ZFHX3: variants seen among roughly 807,000 people sequenced by gnomAD.
ZFHX3 encodes the protein zinc finger homeobox 3, also known as zinc finger homeobox protein 3.
Under a neutral mutation model 279.1 loss-of-function variants are expected in ZFHX3, and 42 were observed. The ratio of observed to expected loss-of-function variants is 0.15; its 90% CI spans 0.12 to 0.19. The LOEUF (loss-of-function observed/expected upper bound fraction) is 0.19, where lower values mean the gene tolerates loss of function less well. Ranked by LOEUF, ZFHX3 falls within the 10% of genes least tolerant of loss-of-function variation. ZFHX3 has a pLI of 1.00. For synonymous variants in ZFHX3, 2,293 were observed against 1,957.8 expected (o/e 1.17, Z -4.52); for missense variants, 4,981 against 4,754.0 (o/e 1.05, Z -1.40).
intron 1 of ZFHX3, among the ~76,000 whole-genome samples, chr16:73,693,059 C>G (rs1459568822): frequency 6.6e-6 from 1 of 152,128 alleles, no homozygotes; most frequent in African/African-American, 2.4e-5. Flanking sequence ...CTATGACTCT[C>G]TAGGGGACAC....
chr16:73,769,781 C>T (rs1319155544), intron 1 of ZFHX3, among the ~76,000 whole-genome samples: 1 of 152,170 alleles, frequency 6.6e-6, no homozygotes, highest in African/African-American at 2.4e-5. Flanking sequence ...GGGTTCAGGA[C>T]ATGGAAGAAT....
chr16:73,658,742 G>A (rs183354446), intron 2 of ZFHX3, among the ~76,000 whole-genome samples: 1 of 152,142 alleles, frequency 6.6e-6, no homozygotes, highest in African/African-American at 2.4e-5. Context: ...TAAAACAAAT[G>A]GATAATTTGA....
At chr16:73,016,872 T>G (rs1161446206) in intron 1 of ZFHX3, among the ~76,000 whole-genome samples, 1 of 151,662 alleles carries the variant, frequency 6.6e-6, no homozygotes, top group Non-Finnish European at 1.5e-5. Flanking sequence ...CAAGTTCACG[T>G]GTATATCCCA....
In ZFHX3 at chr16:73,030,558, G is replaced by A. The variant is rs541221352; in HGVS notation, c.-50+17194C>T. ...GGGTTATATTGGCAAAGTGTCTACA[G>A]CTCTATTGACTCACGCAATGCCTCT... is the stretch of plus-strand genomic sequence containing the variant. On this transcript the variant is annotated intron_variant, in intron 1 of 9. Coordinates refer to ENST00000268489, the MANE Select transcript of ZFHX3 (RefSeq NM_006885.4). Among the ~76,000 whole-genome samples the A allele has an allele frequency of 4.9e-4, 74 of 152,154 alleles. 1 individual carries two copies. The South Asian group carries it at 5.4e-3, about 11-fold the overall frequency.
chr16:73,430,340 C>G (rs2017889167), intron 3 of ZFHX3, among the ~76,000 whole-genome samples: 1 of 152,138 alleles, frequency 6.6e-6, no homozygotes. Context: ...CATACTTAAA[C>G]TAAAAATGAT....
At chr16:73,690,685 T>C (rs926037333) in intron 1 of ZFHX3, among the ~76,000 whole-genome samples, 6 of 152,208 alleles carry the variant, frequency 3.9e-5, no homozygotes, top group Non-Finnish European at 8.8e-5. Flanking sequence ...GAAAATAAAT[T>C]GTGCATTGTG....
chr16:73,531,136 A>G (rs778863144), intron 2 of ZFHX3, among the ~76,000 whole-genome samples: 1 of 152,142 alleles, frequency 6.6e-6, no homozygotes, highest in Non-Finnish European at 1.5e-5. Flanking sequence ...GCCTTTCCTA[A>G]TATAAATCTT....
chr16:73,165,420 C>T (rs987194878), intron 5 of ZFHX3, among the ~76,000 whole-genome samples: 7 of 152,202 alleles, frequency 4.6e-5, no homozygotes, highest in Admixed American at 3.3e-4. Flanking sequence ...CTGCAAGGAA[C>T]CCCATCCACA....
At chr16:73,222,958 G>A (rs1291299468) in intron 5 of ZFHX3, among the ~76,000 whole-genome samples, 2 of 152,144 alleles carry the variant, frequency 1.3e-5, no homozygotes, top group Non-Finnish European at 2.9e-5. Context: ...GAAAGGACAT[G>A]TGATAGAGGA....
At chr16:73,409,147 A>G (rs1454060283) in intron 3 of ZFHX3, among the ~76,000 whole-genome samples, 2 of 152,210 alleles carry the variant, frequency 1.3e-5, no homozygotes, top group African/African-American at 4.8e-5. Flanking sequence ...CAAGCCAACT[A>G]TTAATACCTT....
rs571128498 is a variant in ZFHX3, at chr16:73,460,788, T to A, written c.-1546-4530A>T. On this transcript the variant is annotated intron_variant, in intron 2 of 17. Transcript: ENST00000641206. ...GTGCTGTCCTCACAACAGTGAGTTC[T>A]CGTGAGATCTGGCCATTTAAAAGTG... Among the ~76,000 whole-genome samples the A allele has an allele frequency of 2.0e-5, 3 of 152,314 alleles. No homozygotes were observed. In the South Asian group the frequency reaches 6.2e-4, roughly 32 times the overall value.
At chr16:73,372,117 T>C (rs1332914580) in intron 3 of ZFHX3, among the ~76,000 whole-genome samples, 1 of 152,218 alleles carries the variant, frequency 6.6e-6, no homozygotes, top group African/African-American at 2.4e-5. Context: ...CCTGGGACTT[T>C]TTCATTTTCT....
At chr16:73,840,202 T>A (rs1025332287) in intron 1 of ZFHX3, among the ~76,000 whole-genome samples, 3 of 152,080 alleles carry the variant, frequency 2.0e-5, no homozygotes, top group East Asian at 3.9e-4. Flanking sequence ...AGGATGAACG[T>A]AGCAGGGAGG....
intron 4 of ZFHX3, among the ~76,000 whole-genome samples, chr16:72,851,047 T>C (rs1266267275): frequency 6.6e-6 from 1 of 152,098 alleles, no homozygotes. Context: ...TCGGGGTTTC[T>C]AGGATAAACA....
chr16:73,246,355 A>G (rs1300884117), intron 5 of ZFHX3, among the ~76,000 whole-genome samples: 1 of 152,184 alleles, frequency 6.6e-6, no homozygotes, highest in Admixed American at 6.5e-5. Context: ...CATAAGTCAC[A>G]TATCTATGAG....
intron 3 of ZFHX3, among the ~76,000 whole-genome samples, chr16:73,409,728 C>T (rs188903981): frequency 8.3e-4 from 126 of 152,122 alleles, no homozygotes; most frequent in African/African-American, 2.7e-3. Flanking sequence ...GGGTACATGA[C>T]GAATGGATAA....
chr16:73,046,142 T>A (rs1041114604), intron 1 of ZFHX3, among the ~76,000 whole-genome samples: 1 of 152,146 alleles, frequency 6.6e-6, no homozygotes, highest in African/African-American at 2.4e-5. Flanking sequence ...GCCTGCAGGG[T>A]CTCTGCAAAA....
intron 4 of ZFHX3, among the ~76,000 whole-genome samples, chr16:73,298,500 G>GTT (rs113148342): frequency 4.5e-5 from 6 of 133,954 alleles, no homozygotes; most frequent in East Asian, 2.2e-4. Flanking sequence ...TGTTGTCGTC[G>GTT]TTTTTTTTTT....
chr16:73,306,540 C>T (rs1254016108), intron 4 of ZFHX3, among the ~76,000 whole-genome samples: 1 of 152,174 alleles, frequency 6.6e-6, no homozygotes, highest in Non-Finnish European at 1.5e-5. Context: ...CCAGGCTGGT[C>T]TCAAACTTCT....
Sources: allele counts gnomAD v4.1 joint callset (sites outside exome capture counted in the v4.1 genomes callset), GRCh38; gene constraint gnomAD v4.1.1; transcripts MANE v1.5; gene names NCBI Gene and HGNC (gene_info 2026-07-23, HGNC 2026-07-21).